RPS6KC1: variants seen among roughly 807,000 people sequenced by gnomAD.
The protein encoded by RPS6KC1 is ribosomal protein S6 kinase C1, also known as inactive ribosomal protein S6 kinase delta-1.
RPS6KC1 carries 54 observed loss-of-function variants against 103.8 expected under a neutral mutation model. That is an observed-to-expected ratio of 0.52 (90% CI 0.42 to 0.65). The LOEUF is 0.65. Among genes scored for constraint, RPS6KC1 ranks in the 30% least tolerant of loss-of-function variants. RPS6KC1 has a pLI of 0.00. For synonymous variants in RPS6KC1, 439 were observed against 438.7 expected, an observed-to-expected ratio of 1.00 and a Z score of -0.01; for missense variants, 1,151 against 1,253.8, an observed-to-expected ratio of 0.92 and a Z score of 1.24.
chr1:213,333,602 G>A, the RPS6KC1 span, among the ~76,000 whole-genome samples: 74 of 152,252 alleles, frequency 4.9e-4, no homozygotes, highest in East Asian at 4.2e-3. Flanking sequence ...CTGTGGTGCC[G>A]CGTGTTGCAG....
chr1:213,215,857 C>T (rs2093644545), intron 8 of RPS6KC1, among the ~76,000 whole-genome samples: 1 of 152,112 alleles, frequency 6.6e-6, no homozygotes, highest in Non-Finnish European at 1.5e-5. Flanking sequence ...CAGGCCTGCC[C>T]TAAAAGAGCT....
At chr1:213,521,526 T>G in the RPS6KC1 span, among the ~76,000 whole-genome samples, 1 of 152,154 alleles carries the variant, frequency 6.6e-6, no homozygotes, top group East Asian at 1.9e-4. Context: ...ATCCATTGAT[T>G]CTTCCTTTCA....
At chr1:213,461,985 C>T in the RPS6KC1 span, among the ~76,000 whole-genome samples, 1 of 152,114 alleles carries the variant, frequency 6.6e-6, no homozygotes, top group Non-Finnish European at 1.5e-5. Flanking sequence ...GAAGAGGCAA[C>T]CTACAGAATG....
the RPS6KC1 span, among the ~76,000 whole-genome samples, chr1:213,659,013 G>A: frequency 6.6e-6 from 1 of 151,292 alleles, no homozygotes; most frequent in Non-Finnish European, 1.5e-5. Context: ...CACCCAGGCT[G>A]GAGCTCAGTG....
At chr1:213,122,458 A>C (rs902682659) in intron 5 of RPS6KC1, among the ~76,000 whole-genome samples, 17 of 152,200 alleles carry the variant, frequency 1.1e-4, no homozygotes, top group African/African-American at 4.1e-4. Context: ...CTTTGAGGCA[A>C]GATCATTTTA....
the RPS6KC1 span, among the ~76,000 whole-genome samples, chr1:213,638,652 C>CA: frequency 6.6e-6 from 1 of 151,948 alleles, no homozygotes; most frequent in Non-Finnish European, 1.5e-5. Context: ...ACTTTTGTCA[C>CA]ATATTAGATG....
intron 8 of RPS6KC1, among the ~76,000 whole-genome samples, chr1:213,218,822 A>G (rs577695443): frequency 1.2e-3 from 180 of 152,354 alleles, no homozygotes; most frequent in African/African-American, 3.2e-3. Flanking sequence ...AGCCATATGT[A>G]GAAAGCTGAA....
At chr1:213,268,177 T>C (rs2094955218) in intron 14 of RPS6KC1, among the ~76,000 whole-genome samples, 1 of 151,810 alleles carries the variant, frequency 6.6e-6, no homozygotes, top group Non-Finnish European at 1.5e-5. Flanking sequence ...CAAGAAAATT[T>C]TGGAAACAGT....
At chr1:213,492,751 T>G in the RPS6KC1 span, among the ~76,000 whole-genome samples, 1 of 152,252 alleles carries the variant, frequency 6.6e-6, no homozygotes, top group Non-Finnish European at 1.5e-5. Context: ...CTTTATAAAC[T>G]GGCTGTGAAC....
chr1:213,130,846 G>A (rs1448769992), intron 6 of RPS6KC1, among the ~76,000 whole-genome samples: 2 of 151,592 alleles, frequency 1.3e-5, no homozygotes, highest in African/African-American at 2.4e-5. Flanking sequence ...TGAATTTTTG[G>A]AGAGTTTTAC....
chr1:213,131,899 G>C (rs1038262665), intron 6 of RPS6KC1, among the ~76,000 whole-genome samples: 5 of 152,282 alleles, frequency 3.3e-5, no homozygotes, highest in African/African-American at 9.6e-5. Context: ...TGTTTTCAGA[G>C]AATTATGTGC....
the RPS6KC1 span, among the ~76,000 whole-genome samples, chr1:213,305,502 T>A: frequency 6.6e-6 from 1 of 152,212 alleles, no homozygotes. Flanking sequence ...TGGGACCAGT[T>A]CTTTGAAAAG....
At chr1:213,109,223 A>G (rs6658259) in intron 4 of RPS6KC1, among the ~76,000 whole-genome samples, 111,067 of 152,020 alleles carry the variant, frequency 0.73, 41,397 homozygotes, top group African/African-American at 0.88. Context: ...TGCAAGCTCC[A>G]CCTCCCGGGT....
At chr1:213,410,829 T>C in the RPS6KC1 span, among the ~76,000 whole-genome samples, 1 of 151,950 alleles carries the variant, frequency 6.6e-6, no homozygotes, top group Non-Finnish European at 1.5e-5. Context: ...AGTGATTTTT[T>C]TTTTTAAAAA....
the RPS6KC1 span, among the ~76,000 whole-genome samples, chr1:213,434,861 A>AT: frequency 1.3e-5 from 2 of 151,336 alleles, no homozygotes; most frequent in Admixed American, 6.6e-5. Flanking sequence ...GCCTTGTTGT[A>AT]TTTTTTCTGT....
chr1:213,238,508 T>C (rs748196092), intron 10 of RPS6KC1, among the ~76,000 whole-genome samples: 3 of 152,166 alleles, frequency 2.0e-5, no homozygotes, highest in Non-Finnish European at 4.4e-5. Context: ...GCATAAGATC[T>C]GTGCTGAAAT....
intron 4 of RPS6KC1, among the ~76,000 whole-genome samples, 177 bp from the exon 5 acceptor site, chr1:213,117,140 T>G (rs75482580): frequency 6.6e-6 from 1 of 152,224 alleles, no homozygotes; most frequent in Admixed American, 6.5e-5. Context: ...GTACGTTTGT[T>G]ACAGTCGATG....
At chr1:213,106,177 G>C (rs184895355) in intron 4 of RPS6KC1, among the ~76,000 whole-genome samples, 1 of 152,034 alleles carries the variant, frequency 6.6e-6, no homozygotes, top group Admixed American at 6.5e-5. Flanking sequence ...GCGGGAACAG[G>C]ATACTGATTT....
At chr1:213,508,874 C>A in the RPS6KC1 span, among the ~76,000 whole-genome samples, 1 of 152,118 alleles carries the variant, frequency 6.6e-6, no homozygotes, top group African/African-American at 2.4e-5. Flanking sequence ...GAGAAAAGGG[C>A]AATGGCAGGA....
Sources: gnomAD v4.1 joint callset for allele counts (sites outside exome capture counted in the v4.1 genomes callset) on GRCh38, gnomAD v4.1.1 for gene constraint, MANE v1.5 for transcripts, NCBI Gene and HGNC (gene_info 2026-07-23, HGNC 2026-07-21) for gene names.